FKBP7: variants seen among roughly 807,000 people sequenced by gnomAD.
The protein encoded by FKBP7 is FKBP prolyl isomerase 7.
A neutral mutation model predicts 24.3 loss-of-function variants in FKBP7; 24 were observed. The ratio of observed to expected loss-of-function variants is 0.99; its 90% CI spans 0.72 to 1.39. FKBP7 has a LOEUF of 1.39. Among genes scored for constraint, FKBP7 ranks in the 40% most tolerant of loss-of-function variants. The probability of loss-of-function intolerance (pLI) is 0.00; values close to 1 mark genes in which losing one functional copy is unlikely to be tolerated. For missense variants in FKBP7, 257 were observed against 269.5 expected, an observed-to-expected ratio of 0.95 and a Z score of 0.33; for synonymous variants, 98 against 92.8, an observed-to-expected ratio of 1.06 and a Z score of -0.32.
chr2:178,470,621 T>C (rs1684821003), intron 2 of FKBP7, among the ~76,000 whole-genome samples: 1 of 152,180 alleles, frequency 6.6e-6, no homozygotes. Flanking sequence ...TCAAATTTTT[T>C]ATAGACATTA....
chr2:178,465,563 A>G lies in FKBP7; in HGVS notation c.*207T>C. On this transcript the variant is annotated 3_prime_UTR_variant, in exon 4 of 4. Transcript: ENST00000424785. ...TGCTACAATTCTTGTTTACAGAATA[A>G]AGCAGTAGGAAACACAGTCATACCA... The G allele has an allele frequency of 2.5e-6, 1 of 393,448 alleles. No homozygotes were observed. 24.4% of individuals were successfully genotyped at this position (393,448 alleles called of 1,614,324 possible).
Position 178,464,209 on chromosome 2 carries a change from G to T in FKBP7, c.*1561C>A, listed in dbSNP as rs1211927194. On this transcript the variant is annotated 3_prime_UTR_variant, in exon 4 of 4. Transcript: ENST00000424785. ...TAAAGAAGTTAAAGGATGAACAATG[G>T]TTTGGAAAGAGCAAGTTTCAGAAGG... is the stretch of plus-strand genomic sequence containing the variant. The T allele has an allele frequency of 1.3e-5, 2 of 152,192 alleles. No homozygotes were observed. Among genetic ancestry groups the T allele is most frequent in the African/African-American group, 2.4e-5 (1 of 41,446 alleles). 9.4% of individuals were successfully genotyped at this position (152,192 alleles called of 1,614,324 possible).
chr2:178,473,422 A>G (rs996446165), intron 2 of FKBP7, among the ~76,000 whole-genome samples: 1 of 152,244 alleles, frequency 6.6e-6, no homozygotes, highest in Non-Finnish European at 1.5e-5. Flanking sequence ...AATGTTTGTT[A>G]GAGATACCTC....
At chr2:178,477,797 A>C (rs972753489) in intron 1 of FKBP7, among the ~76,000 whole-genome samples, 5 of 152,208 alleles carry the variant, frequency 3.3e-5, no homozygotes, top group Non-Finnish European at 5.9e-5. Flanking sequence ...AGTAGGCACC[A>C]GGTGGAATGA....
intron 2 of FKBP7, among the ~76,000 whole-genome samples, chr2:178,470,698 T>C (rs1684823535): frequency 6.6e-6 from 1 of 151,922 alleles, no homozygotes; most frequent in African/African-American, 2.4e-5. Flanking sequence ...CGTGTAATTC[T>C]AGCACTCTGG....
chr2:178,472,168 G>A (rs957867518), intron 2 of FKBP7, among the ~76,000 whole-genome samples: 4 of 145,772 alleles, frequency 2.7e-5, no homozygotes, highest in Middle Eastern at 3.8e-3. Flanking sequence ...TCCACCTCCC[G>A]AGTTCAAGTG....
In FKBP7 at chr2:178,473,280, G is replaced by T. The variant is rs148593706; in HGVS notation, c.374-3495C>A. ...TAAAATAATGTAATCCAAGGTATTG[G>T]ATTACAATGCCTAATGTAACGCAGG... On this transcript the variant is annotated intron_variant, in intron 2 of 3. Coordinates refer to ENST00000424785, the MANE Select transcript of FKBP7 (RefSeq NM_181342.3). The T allele has an allele frequency of 3.6e-5, 14 of 393,312 alleles. No homozygotes were observed. In the East Asian group the frequency reaches 7.9e-4, roughly 22 times the overall value. The allele number at this position is 393,312 out of a possible 1,614,324, so 24.4% of individuals were successfully genotyped here.
intron 2 of FKBP7, among the ~76,000 whole-genome samples, chr2:178,476,765 G>C (rs1428175735): frequency 7.2e-6 from 1 of 138,000 alleles, no homozygotes; most frequent in African/African-American, 2.8e-5. Flanking sequence ...TGCTCAGGCT[G>C]GTCCTGGCCT....
intron 3 of FKBP7, among the ~76,000 whole-genome samples, chr2:178,466,752 A>C (rs1482223115): frequency 2.0e-5 from 3 of 152,190 alleles, no homozygotes; most frequent in African/African-American, 7.2e-5. Flanking sequence ...AGATGTGACT[A>C]TAAAAATTTT....
chr2:178,465,771 T>G lies in FKBP7; in HGVS notation c.668A>C (p.Ter223SerextTer10). The G allele has an allele frequency of 6.4e-7, 1 of 1,574,356 alleles. No homozygotes were observed. The highest frequency in any genetic ancestry group is 8.6e-7 in the Non-Finnish European group (1 of 1,165,104). ...AAAAAAAGTAGAAATACAAATATGC[T>G]ATAGTTCATCGTGTTGGTATACATT... ...EYNVYQHDEL[*>S] The change falls in exon 4 of 4, where the codon TAG becomes TCG. Residue 223 changes from the stop codon to serine, a stop_lost. Coordinates refer to ENST00000424785, the MANE Select transcript of FKBP7 (RefSeq NM_181342.3).
chr2:178,478,224 A>G, intron 1 of FKBP7, 55 bp downstream of exon 1: 1 of 1,601,794 alleles, frequency 6.2e-7, no homozygotes, highest in South Asian at 1.1e-5. Flanking sequence ...CGCTTGGTGG[A>G]GGCAGGCAAG....
At chr2:178,467,954 C>G (rs562980734) in intron 3 of FKBP7, 1 of 152,224 alleles carries the variant, frequency 6.6e-6, no homozygotes, top group African/African-American at 2.4e-5. Context: ...CATTTGCCAC[C>G]CCGGTAACTG....
intron 3 of FKBP7, among the ~76,000 whole-genome samples, chr2:178,469,097 C>G (rs1684771806): frequency 6.6e-6 from 1 of 152,072 alleles, no homozygotes; most frequent in African/African-American, 2.4e-5. Context: ...TCTTGAACTC[C>G]TGGGCTCAAG....
intron 3 of FKBP7, among the ~76,000 whole-genome samples, chr2:178,468,286 AT>A (rs1238582833): frequency 6.6e-6 from 1 of 152,184 alleles, no homozygotes; most frequent in African/African-American, 2.4e-5. Flanking sequence ...AGACATTAGA[AT>A]TCAATAAATA....
chr2:178,469,640 G>C lies in FKBP7; in HGVS notation c.507+12C>G. The C allele has an allele frequency of 6.2e-7, 1 of 1,613,026 alleles. No homozygotes were observed. Among genetic ancestry groups the C allele is most frequent in the Non-Finnish European group, 8.5e-7 (1 of 1,179,614 alleles). On this transcript the variant is annotated intron_variant, in intron 3 of 3. Transcript: ENST00000424785. ...AAAATTAGACTATACACATGAAATT[G>C]GTTTGAATTACCTCGGCTTTAGAGA...
At chr2:178,467,983 G>A (rs1197506188) in intron 3 of FKBP7, 1 of 152,192 alleles carries the variant, frequency 6.6e-6, no homozygotes, top group African/African-American at 2.4e-5. Flanking sequence ...CTTAAGAACA[G>A]GACATGTTCC....
In FKBP7 at chr2:178,477,214, C is replaced by CTA; in HGVS notation, c.222-3_222-2dup. The stretch of plus-strand genomic sequence containing the variant: ...GGGGTGGCCTTCATTTTGTGTCCGG[C>CTA]TATAACAAAAAGCAATACTTAAGTA... On this transcript the variant is annotated splice_acceptor_variant, in intron 1 of 3. Transcript: ENST00000424785. LOFTEE classifies it high-confidence loss of function. The CTA allele has an allele frequency of 6.2e-7, 1 of 1,607,346 alleles. No homozygotes were observed. Among genetic ancestry groups the CTA allele is most frequent in the Non-Finnish European group, 8.5e-7 (1 of 1,178,460 alleles).
Position 178,464,893 on chromosome 2 carries a change from T to A in FKBP7, c.*877A>T, listed in dbSNP as rs1464567867. The A allele has an allele frequency of 6.6e-6, 1 of 152,168 alleles. No individual in the cohort carries two copies. Among genetic ancestry groups the A allele is most frequent in the Admixed American group, 6.5e-5 (1 of 15,280 alleles). The allele number at this position is 152,168 out of a possible 1,614,324, so 9.4% of individuals were successfully genotyped here. On this transcript the variant is annotated 3_prime_UTR_variant, in exon 4 of 4. Transcript: ENST00000424785. ...CCAATTTGTAATGATCATTCATCATTAGTGACAAGAATGATGGGAAATGAG... is the reference window on the plus strand; with the variant it reads ...CCAATTTGTAATGATCATTCATCATAAGTGACAAGAATGATGGGAAATGAG...
intron 2 of FKBP7, among the ~76,000 whole-genome samples, chr2:178,470,272 C>T (rs1442809825): frequency 6.6e-6 from 1 of 152,170 alleles, no homozygotes; most frequent in Non-Finnish European, 1.5e-5. Context: ...CAATCTTTTA[C>T]ATAACATTTA....
Sources: gnomAD v4.1 joint callset for allele counts (sites outside exome capture counted in the v4.1 genomes callset) on GRCh38, gnomAD v4.1.1 for gene constraint, MANE v1.5 for transcripts, NCBI Gene and HGNC (gene_info 2026-07-23, HGNC 2026-07-21) for gene names.